Variants in FRMPD4 observed in about 807,000 individuals in gnomAD.
FRMPD4 encodes FERM and PDZ domain-containing protein 4.
FRMPD4 carries 22 observed loss-of-function variants against 94.1 expected under a neutral mutation model. That is an observed-to-expected ratio of 0.23 (90% CI 0.17 to 0.33). FRMPD4 has a LOEUF of 0.33. Among genes scored for constraint, FRMPD4 ranks in the 10% least tolerant of loss-of-function variants. The pLI is 1.00. For missense variants in FRMPD4, 1,111 were observed against 1,339.9 expected (o/e 0.83, Z 2.67); for synonymous variants, 631 against 548.6 (o/e 1.15, Z -2.10).
chrX:12,699,773 C>T (rs1219747198), intron 9 of FRMPD4, among the ~76,000 whole-genome samples: 2 of 112,406 alleles, frequency 1.8e-5, no homozygotes, highest in Admixed American at 9.3e-5. Flanking sequence ...TGGGAGCCTT[C>T]AGAATGAAAT....
intron 3 of FRMPD4, among the ~76,000 whole-genome samples, chrX:12,011,282 C>T (rs1257629753): frequency 1.8e-5 from 2 of 111,754 alleles, no homozygotes; most frequent in Non-Finnish European, 3.8e-5. Context: ...AAGAGTTGCA[C>T]GTAGGTTGGC....
At chrX:12,469,903 C>T (rs2057490813) in intron 1 of FRMPD4, among the ~76,000 whole-genome samples, 1 of 112,414 alleles carries the variant, frequency 8.9e-6, no homozygotes. Context: ...AGACAGCTGA[C>T]ATACAGCAAT....
chrX:12,640,296 CAAAAAAAAAAA>C (rs1157854116), intron 4 of FRMPD4, among the ~76,000 whole-genome samples: 2 of 23,804 alleles, frequency 8.4e-5, no homozygotes, highest in Non-Finnish European at 1.3e-4. Context: ...GAGGCTGTCT[CAAAAAAAAAAA>C]AAAAAAAAAA....
intron 1 of FRMPD4, among the ~76,000 whole-genome samples, chrX:11,841,854 T>TTTC (rs1255618179): frequency 9.2e-6 from 1 of 108,630 alleles, no homozygotes; most frequent in East Asian, 2.9e-4. Context: ...CTGCCTAGGT[T>TTTC]TTCTTCTAGG....
At chrX:12,707,032 A>T in intron 12 of FRMPD4, 117 bp downstream of exon 12, 2 of 419,077 alleles carry the variant, frequency 4.8e-6, no homozygotes. Context: ...TTTCTAACCA[A>T]CTTCACAACA....
chrX:12,031,539 T>C (rs1482157631), intron 3 of FRMPD4, among the ~76,000 whole-genome samples: 1 of 111,585 alleles, frequency 9.0e-6, no homozygotes, highest in Non-Finnish European at 1.9e-5. Context: ...GATGAATTTG[T>C]CACTTAGGAG....
chrX:12,384,796 T>C (rs2056375021), intron 1 of FRMPD4, among the ~76,000 whole-genome samples: 1 of 112,342 alleles, frequency 8.9e-6, no homozygotes, highest in African/African-American at 3.2e-5. Flanking sequence ...TAGGTATGTT[T>C]GCCAGAGGAC....
upstream of FRMPD4, among the ~76,000 whole-genome samples, chrX:12,137,491 CGGTGGCCCTGCCGCCA>C (rs2055613006): frequency 8.9e-6 from 1 of 112,108 alleles, no homozygotes; most frequent in Non-Finnish European, 1.9e-5. Flanking sequence ...CTGTTCTTTG[CGGTGGCCCTGCCGCCA>C]GGTGAACGCT....
At chrX:12,257,529 C>G in intron 1 of FRMPD4, among the ~76,000 whole-genome samples, 1 of 110,371 alleles carries the variant, frequency 9.1e-6, no homozygotes, top group Middle Eastern at 4.7e-3. Flanking sequence ...TTTTTCTCTT[C>G]TGATTTTGCC....
At chrX:12,702,099 CTT>C in intron 10 of FRMPD4, 89 bp downstream of exon 10, 2 of 936,868 alleles carry the variant, frequency 2.1e-6, no homozygotes, top group South Asian at 4.4e-5. Context: ...CAAAATTGAT[CTT>C]GTTTGTGTCA....
intron 1 of FRMPD4, among the ~76,000 whole-genome samples, chrX:12,181,522 A>C (rs765573069): frequency 3.8e-4 from 43 of 111,852 alleles, no homozygotes; most frequent in African/African-American, 1.4e-3. Context: ...GAGAAATCCC[A>C]ACCAAAATTA....
chrX:12,246,222 T>TA (rs775571370), intron 1 of FRMPD4, among the ~76,000 whole-genome samples: 2 of 112,196 alleles, frequency 1.8e-5, no homozygotes, highest in Admixed American at 9.4e-5. Flanking sequence ...GCTGCTGTGT[T>TA]AAAAAATCAA....
At chrX:12,031,011 C>G (rs2054688534) in intron 3 of FRMPD4, among the ~76,000 whole-genome samples, 1 of 112,263 alleles carries the variant, frequency 8.9e-6, no homozygotes, top group African/African-American at 3.2e-5. Flanking sequence ...CAAATGCTAA[C>G]TAGCAGTGTT....
intron 3 of FRMPD4, among the ~76,000 whole-genome samples, chrX:11,985,454 G>C (rs1423546995): frequency 8.9e-6 from 1 of 112,172 alleles, no homozygotes; most frequent in East Asian, 2.8e-4. Context: ...GCTGGCTTCA[G>C]ATGAGACCCA....
At chrX:12,195,876 C>T (rs754844180) in intron 1 of FRMPD4, among the ~76,000 whole-genome samples, 3 of 111,407 alleles carry the variant, frequency 2.7e-5, no homozygotes, top group Non-Finnish European at 5.7e-5. Flanking sequence ...TCCATGAGGG[C>T]AGAAGTCATA....
At chrX:11,974,962 G>A (rs186571027) in intron 3 of FRMPD4, among the ~76,000 whole-genome samples, 2 of 111,742 alleles carry the variant, frequency 1.8e-5, no homozygotes, top group African/African-American at 6.5e-5. Context: ...GATATGCTAG[G>A]GCTGAGGAGC....
At position 12,480,118 on chromosome X, in the gene FRMPD4, A is replaced by C. The variant is rs1223723845; in HGVS notation, c.42-18562A>C. Among the ~76,000 whole-genome samples the C allele has an allele frequency of 9.9e-5, 11 of 110,669 alleles. 1 individual carries two copies. The Admixed American group carries it at 1.1e-3, about 11-fold the overall frequency. On this transcript the variant is annotated intron_variant, in intron 1 of 16. Coordinates refer to ENST00000675598, the MANE Select transcript of FRMPD4 (RefSeq NM_001368397.1). ...TTTTAAAAAATAGGAAAAGAAGGAA[A>C]AGTAATTGCAAGAAGAAAATGAGAA...
chrX:12,477,244 G>A (rs1043653351), intron 1 of FRMPD4, among the ~76,000 whole-genome samples: 4 of 111,064 alleles, frequency 3.6e-5, no homozygotes, highest in Non-Finnish European at 5.7e-5. Flanking sequence ...TCGTAGGTGG[G>A]GATTGTATAA....
intron 5 of FRMPD4, among the ~76,000 whole-genome samples, chrX:12,679,284 A>C (rs1028989472): frequency 1.4e-4 from 16 of 111,723 alleles, no homozygotes; most frequent in African/African-American, 4.3e-4. Flanking sequence ...AAGAGGGGAC[A>C]CAGGAGACAT....
Sources: allele counts gnomAD v4.1 joint callset (sites outside exome capture counted in the v4.1 genomes callset), GRCh38; gene constraint gnomAD v4.1.1; transcripts MANE v1.5; gene names NCBI Gene and HGNC (gene_info 2026-07-23, HGNC 2026-07-21).